The following NCKAP5 variants were observed in gnomAD, a reference collection of about 807,000 sequenced individuals.
NCKAP5 encodes the protein NCK associated protein 5.
In NCKAP5, 92 loss-of-function variants were observed where a neutral mutation model predicts 167.0. That is an observed-to-expected ratio of 0.55 (90% CI 0.47 to 0.66). The LOEUF is 0.66. Among genes scored for constraint, NCKAP5 ranks in the 30% least tolerant of loss-of-function variants. NCKAP5 has a pLI of 0.00. For synonymous variants in NCKAP5, 891 were observed against 877.4 expected (o/e 1.02, Z -0.27); for missense variants, 2,378 against 2,315.0 (o/e 1.03, Z -0.56).
chr2:132,706,692 G>T (rs902802366), intron 19 of NCKAP5, among the ~76,000 whole-genome samples: 1 of 151,924 alleles, frequency 6.6e-6, no homozygotes, highest in South Asian at 2.1e-4. Context: ...TTTTTGCCAG[G>T]CTCCTTTCTA....
rs772645864 is a variant in NCKAP5 at position 132,784,980 on chromosome 2, C to T, written c.1831G>A (p.Asp611Asn). 29 of 1,613,448 alleles carry T rather than the reference C, an allele frequency of 1.8e-5. No individual in the cohort carries two copies. The highest frequency in any genetic ancestry group is 1.6e-4 in the Middle Eastern group (1 of 6,082). ...ACATCCAGGTTCTCCACGGACTTAT[C>T]GGTGTCGGCAGCCAATGACACGTCT... ...PSDVSLAADT[D>N]KSVENLDVLV... The change falls in exon 14 of 20, where the codon GAT becomes AAT. Residue 611 changes from aspartate (D) to asparagine (N), a missense_variant. Coordinates refer to ENST00000409261, the MANE Select transcript of NCKAP5 (RefSeq NM_207363.3).
At chr2:133,510,625 G>C (rs1683410181) in intron 3 of NCKAP5, among the ~76,000 whole-genome samples, 1 of 152,198 alleles carries the variant, frequency 6.6e-6, no homozygotes. Flanking sequence ...TCCTCAGTGG[G>C]CACAGATACA....
chr2:133,599,632 C>A, the NCKAP5 span, among the ~76,000 whole-genome samples: 5 of 152,152 alleles, frequency 3.3e-5, no homozygotes, highest in Admixed American at 6.5e-5. Flanking sequence ...GCAGGCCCAG[C>A]CTTGACTGTG....
intron 4 of NCKAP5, among the ~76,000 whole-genome samples, chr2:133,265,675 C>A (rs1158584542): frequency 2.0e-5 from 3 of 151,774 alleles, no homozygotes; most frequent in Non-Finnish European, 4.4e-5. Flanking sequence ...CAGACAAGGT[C>A]AGGGATCTCC....
chr2:133,374,638 G>A (rs1686021843), intron 3 of NCKAP5, among the ~76,000 whole-genome samples: 1 of 151,828 alleles, frequency 6.6e-6, no homozygotes, highest in South Asian at 2.1e-4. Context: ...GGGGGATATT[G>A]GTGATGGGGA....
chr2:133,442,800 C>T (rs1029821590), intron 3 of NCKAP5, among the ~76,000 whole-genome samples: 1 of 152,230 alleles, frequency 6.6e-6, no homozygotes, highest in African/African-American at 2.4e-5. Flanking sequence ...TGCCAGACAG[C>T]CTCATGTCAG....
intron 7 of NCKAP5, among the ~76,000 whole-genome samples, chr2:132,990,125 C>T (rs2077408803): frequency 1.3e-5 from 2 of 152,144 alleles, no homozygotes; most frequent in South Asian, 2.1e-4. Context: ...TCATGACTCT[C>T]ATGTCCATTT....
At chr2:132,952,306 T>C (rs1274941345) in intron 8 of NCKAP5, among the ~76,000 whole-genome samples, 1 of 152,214 alleles carries the variant, frequency 6.6e-6, no homozygotes, top group African/African-American at 2.4e-5. Flanking sequence ...GGGGTTTTCT[T>C]AGAAGCTCCC....
chr2:132,779,908 C>T (rs552447111), intron 15 of NCKAP5, among the ~76,000 whole-genome samples: 1 of 151,964 alleles, frequency 6.6e-6, no homozygotes, highest in Non-Finnish European at 1.5e-5. Flanking sequence ...GTAGTATGTC[C>T]TATATTTTAA....
At chr2:133,111,493 G>A (rs1427380750) in intron 6 of NCKAP5, among the ~76,000 whole-genome samples, 1 of 152,164 alleles carries the variant, frequency 6.6e-6, no homozygotes, top group Non-Finnish European at 1.5e-5. Flanking sequence ...AATTACCAGT[G>A]AACAAGATCA....
intron 4 of NCKAP5, 134 bp from the exon 5 acceptor site, chr2:133,213,913 T>C (rs1430352617): frequency 2.7e-6 from 2 of 735,080 alleles, no homozygotes; most frequent in East Asian, 5.4e-5. Flanking sequence ...CTCTATACTT[T>C]CTATAAATAT....
chr2:132,800,119 G>T (rs1193540499), intron 11 of NCKAP5, among the ~76,000 whole-genome samples: 2 of 152,106 alleles, frequency 1.3e-5, no homozygotes, highest in Non-Finnish European at 2.9e-5. Context: ...CTGTGCTTCA[G>T]TGAAAAATAG....
intron 11 of NCKAP5, among the ~76,000 whole-genome samples, chr2:132,826,615 T>C (rs1687140751): frequency 6.6e-6 from 1 of 152,212 alleles, no homozygotes; most frequent in Non-Finnish European, 1.5e-5. Context: ...TAACAATTAG[T>C]GAGACTTTCA....
intron 3 of NCKAP5, among the ~76,000 whole-genome samples, chr2:133,354,778 C>A (rs917552800): frequency 1.3e-5 from 2 of 152,060 alleles, no homozygotes; most frequent in South Asian, 4.1e-4. Context: ...GGAAGCATCC[C>A]AAAATCTTAG....
intron 6 of NCKAP5, among the ~76,000 whole-genome samples, chr2:133,070,016 T>A (rs1471205936): frequency 6.6e-6 from 1 of 152,124 alleles, no homozygotes; most frequent in Non-Finnish European, 1.5e-5. Flanking sequence ...AGACGAACTT[T>A]GAAAATGCCA....
chr2:133,354,611 C>T (rs1018162682), intron 3 of NCKAP5, among the ~76,000 whole-genome samples: 14 of 152,180 alleles, frequency 9.2e-5, no homozygotes, highest in African/African-American at 2.9e-4. Context: ...AACTTATTAA[C>T]GATAGAAGCA....
At chr2:133,189,727 T>C (rs1475396967) in intron 5 of NCKAP5, among the ~76,000 whole-genome samples, 1 of 152,082 alleles carries the variant, frequency 6.6e-6, no homozygotes, top group Non-Finnish European at 1.5e-5. Context: ...TTTGACAAAA[T>C]TCAACAATGC....
intron 19 of NCKAP5, among the ~76,000 whole-genome samples, chr2:132,721,278 A>G (rs1345749392): frequency 6.6e-6 from 1 of 152,202 alleles, no homozygotes; most frequent in Non-Finnish European, 1.5e-5. Context: ...ACTGCACTCC[A>G]GCCTGGGTGA....
intron 3 of NCKAP5, among the ~76,000 whole-genome samples, chr2:133,355,576 T>C (rs941448108): frequency 4.6e-5 from 7 of 152,196 alleles, no homozygotes; most frequent in Admixed American, 1.3e-4. Flanking sequence ...GATCTTACGG[T>C]ATTGTGATTA....
Sources: gnomAD v4.1 joint callset for allele counts (sites outside exome capture counted in the v4.1 genomes callset) on GRCh38, gnomAD v4.1.1 for gene constraint, MANE v1.5 for transcripts, NCBI Gene and HGNC (gene_info 2026-07-23, HGNC 2026-07-21) for gene names.